Variants in ASTN2 observed in about 807,000 individuals in gnomAD.
The protein encoded by ASTN2 is astrotactin-2.
A neutral mutation model predicts 139.8 loss-of-function variants in ASTN2; 54 were observed. The observed-to-expected ratio is 0.39, with a 90% CI of 0.31 to 0.48. The LOEUF (loss-of-function observed/expected upper bound fraction) is 0.48, where lower values mean the gene tolerates loss of function less well. Among genes scored for constraint, ASTN2 ranks in the 20% least tolerant of loss-of-function variants. The pLI, the probability that ASTN2 is intolerant of heterozygous loss-of-function variation, is 0.95. For synonymous variants in ASTN2, 756 were observed against 719.5 expected, an observed-to-expected ratio of 1.05 and a Z score of -0.81; for missense variants, 1,565 against 1,725.1, an observed-to-expected ratio of 0.91 and a Z score of 1.64.
chr9:117,273,012 T>C (rs1187595314), intron 2 of ASTN2, among the ~76,000 whole-genome samples: 1 of 152,146 alleles, frequency 6.6e-6, no homozygotes, highest in Non-Finnish European at 1.5e-5. Context: ...ATTTACTGTA[T>C]TTTTAGTCCT....
At chr9:117,412,677 T>TG (rs1588024606) in intron 1 of ASTN2, among the ~76,000 whole-genome samples, 1 of 152,114 alleles carries the variant, frequency 6.6e-6, no homozygotes, top group Non-Finnish European at 1.5e-5. Flanking sequence ...AATGGCCGTT[T>TG]GGGGGGCGGG....
chr9:117,022,456 A>AAAC (rs1837911939), intron 6 of ASTN2, among the ~76,000 whole-genome samples: 1 of 107,182 alleles, frequency 9.3e-6, no homozygotes, highest in Non-Finnish European at 2.1e-5. Flanking sequence ...AAAAAAAAAC[A>AAAC]AAAAAACAAA....
intron 20 of ASTN2, among the ~76,000 whole-genome samples, chr9:116,475,755 C>T (rs1848958651): frequency 6.6e-6 from 1 of 152,198 alleles, no homozygotes; most frequent in Non-Finnish European, 1.5e-5. Context: ...CTCTTTCCTG[C>T]AGCAATGAAG....
In ASTN2 at chr9:117,128,371, C is replaced by CAAAAAAAAAAA. The variant is rs1167187783; in HGVS notation, c.1168+12944_1168+12954dup. Among the ~76,000 whole-genome samples the CAAAAAAAAAAA allele has an allele frequency of 1.4e-3, 96 of 66,440 alleles. 3 individuals are homozygous for CAAAAAAAAAAA. The highest frequency in any genetic ancestry group is 5.5e-3 in the African/African-American group (93 of 17,026). The allele number at this position is 66,440 out of a possible 152,430, so 43.6% of individuals were successfully genotyped here. ...CTGGTGACAGAGTGAGACACTGTCT[C>CAAAAAAAAAAA]AAAAAAAAAAAAAAAAAAAAAAAAA... is the stretch of plus-strand genomic sequence containing the variant. On this transcript the variant is annotated intron_variant, in intron 4 of 22. Transcript: ENST00000313400.
rs12352726 is a variant in ASTN2 at position 117,072,684 on chromosome 9, C to T, written c.1276+23360G>A. Reference sequence around the variant, plus strand: ...AATCCAAGGAGTGGAATGGTGGCTCCTGGAGTTGTGAAATATCATGACACA... The same window carrying T: ...AATCCAAGGAGTGGAATGGTGGCTCTTGGAGTTGTGAAATATCATGACACA... On this transcript the variant is annotated intron_variant, in intron 5 of 22. Coordinates refer to ENST00000313400, the MANE Select transcript of ASTN2 (RefSeq NM_001365068.1). Among the ~76,000 whole-genome samples, 1,181 of 152,240 alleles carry T rather than the reference C, an allele frequency of 7.8e-3. 15 individuals carry two copies. Among genetic ancestry groups the T allele is most frequent in the African/African-American group, 0.027 (1,116 of 41,532 alleles).
chr9:116,447,933 C>T (rs1260680290), intron 20 of ASTN2, among the ~76,000 whole-genome samples: 1 of 152,144 alleles, frequency 6.6e-6, no homozygotes, highest in African/African-American at 2.4e-5. Flanking sequence ...TCCAAGACCC[C>T]AGACCTCCTC....
chr9:116,459,645 T>C (rs1375294075), intron 20 of ASTN2, among the ~76,000 whole-genome samples: 2 of 151,956 alleles, frequency 1.3e-5, no homozygotes, highest in Non-Finnish European at 2.9e-5. Context: ...AATAAGCACA[T>C]GAAAATATGC....
intron 1 of ASTN2, among the ~76,000 whole-genome samples, chr9:117,391,039 C>T (rs1286098331): frequency 2.0e-5 from 3 of 152,260 alleles, no homozygotes; most frequent in Non-Finnish European, 2.9e-5. Context: ...CATAGATTTA[C>T]CCAACCATAG....
intron 17 of ASTN2, among the ~76,000 whole-genome samples, chr9:116,638,664 C>T (rs73528770): frequency 0.029 from 4,467 of 152,194 alleles, 202 homozygotes; most frequent in African/African-American, 0.1. Context: ...TTGTGGGGAA[C>T]TCTGCAGCAC....
chr9:117,379,557 G>T (rs1164007061), intron 1 of ASTN2, among the ~76,000 whole-genome samples: 1 of 152,108 alleles, frequency 6.6e-6, no homozygotes, highest in Non-Finnish European at 1.5e-5. Context: ...TGTTTCTCTT[G>T]GGAGGAATAA....
chr9:116,507,918 C>T (rs182339174), intron 19 of ASTN2, among the ~76,000 whole-genome samples: 28 of 152,212 alleles, frequency 1.8e-4, no homozygotes, highest in Admixed American at 3.3e-4. Flanking sequence ...GACGGAGTTT[C>T]GCTCTTGTCG....
At chr9:116,963,904 T>C (rs557367064) in intron 10 of ASTN2, among the ~76,000 whole-genome samples, 1 of 152,264 alleles carries the variant, frequency 6.6e-6, no homozygotes, top group East Asian at 1.9e-4. Context: ...ACTGTGTGTA[T>C]CCCTTGACTA....
intron 13 of ASTN2, among the ~76,000 whole-genome samples, chr9:116,770,109 A>T (rs913539009): frequency 2.6e-5 from 4 of 151,748 alleles, no homozygotes; most frequent in African/African-American, 9.7e-5. Flanking sequence ...GAGTTAAAAA[A>T]AAAAAAAAAA....
chr9:117,177,726 G>A (rs1486206114), intron 3 of ASTN2, among the ~76,000 whole-genome samples: 1 of 152,222 alleles, frequency 6.6e-6, no homozygotes, highest in African/African-American at 2.4e-5. Flanking sequence ...CATAGTAGGA[G>A]TGCACAAGAA....
At chr9:116,814,727 G>A (rs1374330934) in intron 12 of ASTN2, among the ~76,000 whole-genome samples, 1 of 152,194 alleles carries the variant, frequency 6.6e-6, no homozygotes, top group Non-Finnish European at 1.5e-5. Context: ...CTGGGAACCT[G>A]TAAGAGGCAG....
chr9:116,906,790 G>C (rs2132413945), intron 10 of ASTN2, among the ~76,000 whole-genome samples: 1 of 152,196 alleles, frequency 6.6e-6, no homozygotes, highest in East Asian at 1.9e-4. Flanking sequence ...AATATGGAGG[G>C]AAAGACTTGA....
intron 10 of ASTN2, among the ~76,000 whole-genome samples, chr9:116,914,547 T>TTTCTTA (rs1554760026): frequency 2.0e-5 from 3 of 146,896 alleles, no homozygotes; most frequent in Non-Finnish European, 4.5e-5. Context: ...TGTAAAGTGT[T>TTTCTTA]TTATTATTAT....
At chr9:117,384,296 G>A (rs1830342779) in intron 1 of ASTN2, among the ~76,000 whole-genome samples, 1 of 152,190 alleles carries the variant, frequency 6.6e-6, no homozygotes, top group Admixed American at 6.5e-5. Context: ...GGTTGATTAG[G>A]AGAAATATTG....
At chr9:117,026,341 C>T (rs1838081062) in intron 6 of ASTN2, among the ~76,000 whole-genome samples, 1 of 152,066 alleles carries the variant, frequency 6.6e-6, no homozygotes, top group African/African-American at 2.4e-5. Flanking sequence ...GATTTGAACC[C>T]ATGTACTCTG....
Sources: allele counts gnomAD v4.1 joint callset (sites outside exome capture counted in the v4.1 genomes callset), GRCh38; gene constraint gnomAD v4.1.1; transcripts MANE v1.5; gene names NCBI Gene and HGNC (gene_info 2026-07-23, HGNC 2026-07-21).